KCNS3: variants seen among roughly 807,000 people sequenced by gnomAD.
KCNS3 encodes potassium voltage-gated channel modifier subfamily S member 3, also known as delayed-rectifier potassium channel regulatory subunit KCNS3.
A neutral mutation model predicts 31.0 loss-of-function variants in KCNS3; 13 were observed. The ratio of observed to expected loss-of-function variants is 0.42; its 90% confidence interval spans 0.27 to 0.67. KCNS3 has a LOEUF of 0.67. Ranked by LOEUF, KCNS3 falls within the 30% of genes least tolerant of loss-of-function variation. The pLI is 0.25. For synonymous variants in KCNS3, 238 were observed against 241.5 expected, an observed-to-expected ratio of 0.99 and a Z score of 0.13; for missense variants, 545 against 622.4, an observed-to-expected ratio of 0.88 and a Z score of 1.32.
At chr2:17,903,365 C>CT (rs1338457366) in intron 1 of KCNS3, among the ~76,000 whole-genome samples, 7 of 151,914 alleles carry the variant, frequency 4.6e-5, no homozygotes, top group African/African-American at 1.7e-4. Context: ...AAGTATATGT[C>CT]TAAGTATATT....
chr2:17,925,570 G>A lies in KCNS3; in HGVS notation c.-59-5380G>A, dbSNP rs571663446. Among the ~76,000 whole-genome samples, 15 of 152,306 alleles carry A rather than the reference G, an allele frequency of 9.8e-5. No individual in the cohort carries two copies. In the South Asian group the frequency reaches 3.1e-3, roughly 32 times the overall value. On this transcript the variant is annotated intron_variant, in intron 2 of 2. Coordinates refer to ENST00000304101, the MANE Select transcript of KCNS3 (RefSeq NM_002252.5). Reference sequence around the variant, plus strand: ...GGAAACTTACAATCATGGTGGAAGGGGAAGAGGCACGTCTTACATGGTGGC... The same window carrying A: ...GGAAACTTACAATCATGGTGGAAGGAGAAGAGGCACGTCTTACATGGTGGC...
At chr2:17,914,876 G>C (rs1292750245) in intron 1 of KCNS3, among the ~76,000 whole-genome samples, 3 of 152,198 alleles carry the variant, frequency 2.0e-5, no homozygotes, top group African/African-American at 7.2e-5. Flanking sequence ...TGATTTTGTA[G>C]TTTTTGGAGG....
chr2:17,932,109 C>A lies in KCNS3; in HGVS notation c.1101C>A (p.Ser367Arg). The A allele has an allele frequency of 6.2e-7, 1 of 1,614,088 alleles. No homozygotes were observed. Among genetic ancestry groups the A allele is most frequent in the Non-Finnish European group, 8.5e-7 (1 of 1,180,006 alleles). The change falls in exon 3 of 3, where the codon AGC becomes AGA. Residue 367 changes from serine (S) to arginine (R), a missense_variant. Ser to Arg is a moderately radical substitution (Grantham distance 110). Coordinates refer to ENST00000304101, the MANE Select transcript of KCNS3 (RefSeq NM_002252.5). Reference protein sequence around the residue: ...IPICWWWATISMTTVGYGDTH... With the variant: ...IPICWWWATIRMTTVGYGDTH... Reference sequence around the variant, plus strand: ...TCTGCTGGTGGTGGGCCACCATCAGCATGACAACTGTGGGCTATGGAGACA... The same window carrying A: ...TCTGCTGGTGGTGGGCCACCATCAGAATGACAACTGTGGGCTATGGAGACA...
intron 1 of KCNS3, among the ~76,000 whole-genome samples, chr2:17,888,198 A>G (rs569669403): frequency 3.3e-5 from 5 of 152,062 alleles, no homozygotes; most frequent in African/African-American, 1.2e-4. Flanking sequence ...GGTCCCAGCT[A>G]TTTATCTTTG....
intron 1 of KCNS3, among the ~76,000 whole-genome samples, chr2:17,881,255 A>G (rs1674637417): frequency 6.6e-6 from 1 of 152,210 alleles, no homozygotes. Context: ...ATGTTGAAGC[A>G]GAGAAGGTGG....
intron 1 of KCNS3, among the ~76,000 whole-genome samples, chr2:17,910,050 A>C (rs116331047): frequency 6.6e-6 from 1 of 152,246 alleles, no homozygotes. Flanking sequence ...CCCTTTTCAG[A>C]ATAGCGTGTT....
intron 2 of KCNS3, among the ~76,000 whole-genome samples, chr2:17,921,103 G>A (rs377275296): frequency 2.1e-4 from 32 of 152,172 alleles, no homozygotes; most frequent in African/African-American, 7.2e-4. Flanking sequence ...TACTGCACCA[G>A]TTGTTGAGAA....
intron 2 of KCNS3, among the ~76,000 whole-genome samples, chr2:17,918,994 G>T (rs777367725): frequency 1.3e-5 from 2 of 152,224 alleles, no homozygotes; most frequent in Admixed American, 6.5e-5. Flanking sequence ...TTACAGCAGG[G>T]CTAGGGGCCC....
chr2:17,913,064 A>G (rs934036909), intron 1 of KCNS3, among the ~76,000 whole-genome samples: 1 of 152,192 alleles, frequency 6.6e-6, no homozygotes, highest in African/African-American at 2.4e-5. Flanking sequence ...TAGGATTTAA[A>G]TATCAGTACA....
intron 1 of KCNS3, among the ~76,000 whole-genome samples, chr2:17,908,327 T>A (rs1662386315): frequency 6.6e-6 from 1 of 152,256 alleles, no homozygotes; most frequent in South Asian, 2.1e-4. Flanking sequence ...ATTTAAGGAC[T>A]TCTCTACCCC....
intron 1 of KCNS3, among the ~76,000 whole-genome samples, chr2:17,901,050 C>T (rs557792548): frequency 2.0e-4 from 30 of 152,150 alleles, no homozygotes; most frequent in Non-Finnish European, 4.1e-4. Flanking sequence ...CCCAAGGTCA[C>T]ACAGCTAGTG....
In KCNS3 at chr2:17,931,446, T is replaced by G. The variant is rs1179454088; in HGVS notation, c.438T>G (p.Phe146Leu). 2 of 1,613,990 alleles carry G rather than the reference T, an allele frequency of 1.2e-6. No homozygotes were observed. Among genetic ancestry groups the G allele is most frequent in the African/African-American group, 2.7e-5 (2 of 74,908 alleles). Reference sequence around the variant, plus strand: ...ATGATGTGAGTACCGACTCCTCGTTTGAAGAGTCGTCTCTGTTTGAGAAAG... The same window carrying G: ...ATGATGTGAGTACCGACTCCTCGTTGGAAGAGTCGTCTCTGTTTGAGAAAG... ...KSHDVSTDSS[F>L]EESSLFEKEL... The change falls in exon 3 of 3, where the codon TTT (phenylalanine) becomes TTG (leucine). Residue 146 changes from phenylalanine to leucine, a missense_variant. Physicochemically the swap from Phe to Leu is conservative, Grantham distance 22. Transcript: ENST00000304101. This position sits in a 1 kb window ranked among gnomAD's most constrained non-coding sequence, Gnocchi z 5.4.
intron 1 of KCNS3, among the ~76,000 whole-genome samples, chr2:17,914,889 A>G (rs1413079222): frequency 6.6e-6 from 1 of 152,192 alleles, no homozygotes; most frequent in East Asian, 1.9e-4. Context: ...TTTGGAGGGC[A>G]ACCTTACTCC....
In KCNS3 at chr2:17,932,607, G is replaced by A; in HGVS notation, c.*123G>A. ...AGGGTGTACCTTTCAGCCATAGTTG[G>A]ACATTCATTGCTGAATTCTGAAATG... is the stretch of plus-strand genomic sequence containing the variant. On this transcript the variant is annotated 3_prime_UTR_variant, in exon 3 of 3. Transcript: ENST00000304101. 2.0e-6 allele frequency: 2 copies of A among 985,506 alleles called. No individual in the cohort carries two copies. Among genetic ancestry groups the A allele is most frequent in the South Asian group, 1.8e-5 (1 of 54,156 alleles). The allele number at this position is 985,506 out of a possible 1,614,324, so 61.0% of individuals were successfully genotyped here. A position where few individuals can be genotyped will look rare whatever the true frequency, so the allele number is the denominator to read the frequency against.
At chr2:17,897,281 T>C (rs1572484638) in intron 1 of KCNS3, among the ~76,000 whole-genome samples, 1 of 152,376 alleles carries the variant, frequency 6.6e-6, no homozygotes, top group East Asian at 1.9e-4. Flanking sequence ...ACATTTCCTT[T>C]ATCCAATCCA....
At chr2:17,903,377 T>G (rs934591321) in intron 1 of KCNS3, among the ~76,000 whole-genome samples, 1 of 152,122 alleles carries the variant, frequency 6.6e-6, no homozygotes, top group East Asian at 1.9e-4. Flanking sequence ...AAGTATATTT[T>G]TGAGAGTGAT....
At chr2:17,909,962 A>C (rs79728317) in intron 1 of KCNS3, among the ~76,000 whole-genome samples, 4,898 of 152,308 alleles carry the variant, frequency 0.032, 90 homozygotes, top group Middle Eastern at 0.071. Flanking sequence ...GCACATTTTA[A>C]CAGGATCTCT....
chr2:17,892,915 T>C (rs1290716761), intron 1 of KCNS3, among the ~76,000 whole-genome samples: 2 of 152,230 alleles, frequency 1.3e-5, no homozygotes, highest in Non-Finnish European at 2.9e-5. Flanking sequence ...GTTGGCCGCC[T>C]GCCAGGAGGC....
intron 1 of KCNS3, among the ~76,000 whole-genome samples, chr2:17,905,397 C>T (rs554059398): frequency 6.6e-6 from 1 of 152,302 alleles, no homozygotes; most frequent in African/African-American, 2.4e-5. Flanking sequence ...ACAATCATGT[C>T]ATCTGCAAAC....
Sources: allele counts gnomAD v4.1 joint callset (sites outside exome capture counted in the v4.1 genomes callset), GRCh38; gene constraint gnomAD v4.1.1; non-coding constraint Gnocchi (gnomAD v3.1); transcripts MANE v1.5; gene names NCBI Gene and HGNC (gene_info 2026-07-23, HGNC 2026-07-21).